Variants in SVEP1 observed in about 807,000 individuals in gnomAD.
SVEP1 encodes sushi, von Willebrand factor type A, EGF and pentraxin domain containing 1.
Under a neutral mutation model 367.3 loss-of-function variants are expected in SVEP1, and 164 were observed. The observed-to-expected ratio is 0.45, with a 90% CI of 0.39 to 0.51. The LOEUF is 0.51. SVEP1 is among the 20% of genes least tolerant of loss of function. The pLI is 0.00. For synonymous variants in SVEP1, 1,666 were observed against 1,611.6 expected (o/e 1.03, Z -0.81); for missense variants, 4,117 against 4,425.3 (o/e 0.93, Z 1.98).
At chr9:110,423,139 A>G (rs567993517) in intron 36 of SVEP1, among the ~76,000 whole-genome samples, 2 of 141,786 alleles carry the variant, frequency 1.4e-5, no homozygotes, top group African/African-American at 5.3e-5. Flanking sequence ...ATAATAATAA[A>G]AAAAAAATAA....
intron 38 of SVEP1, 109 bp downstream of exon 38, chr9:110,406,051 G>A: frequency 7.4e-7 from 1 of 1,355,062 alleles, no homozygotes; most frequent in Non-Finnish European, 9.7e-7. Context: ...TGTTTGGAGA[G>A]CAGTTCAGAG....
At chr9:110,493,216 A>T (rs1463782343) in intron 8 of SVEP1, among the ~76,000 whole-genome samples, 1 of 151,452 alleles carries the variant, frequency 6.6e-6, no homozygotes, top group South Asian at 2.1e-4. Context: ...GGGGTTGGGG[A>T]GGGGGTGGTG....
chr9:110,501,589 A>T (rs1274420235), intron 6 of SVEP1, among the ~76,000 whole-genome samples: 1 of 152,108 alleles, frequency 6.6e-6, no homozygotes, highest in East Asian at 1.9e-4. Flanking sequence ...TACAAGAGCT[A>T]AAGCTTAGAG....
chr9:110,525,127 ACGTATTCG>A (rs1829924803), intron 3 of SVEP1, among the ~76,000 whole-genome samples: 1 of 152,126 alleles, frequency 6.6e-6, no homozygotes, highest in Non-Finnish European at 1.5e-5. Flanking sequence ...ATGAAATAAA[ACGTATTCG>A]GATTAGAAAG....
intron 3 of SVEP1, among the ~76,000 whole-genome samples, chr9:110,538,069 T>C (rs1329265491): frequency 6.6e-6 from 1 of 151,994 alleles, no homozygotes; most frequent in Middle Eastern, 3.2e-3. Context: ...TTTTTGAGTA[T>C]TTCTAAGGAA....
chr9:110,528,758 T>G (rs992814582), intron 3 of SVEP1, among the ~76,000 whole-genome samples: 1 of 151,930 alleles, frequency 6.6e-6, no homozygotes, highest in Non-Finnish European at 1.5e-5. Flanking sequence ...TTCTGTAGGT[T>G]GTTTACTGTT....
At chr9:110,543,761 C>T (rs1339246729) in intron 3 of SVEP1, among the ~76,000 whole-genome samples, 2 of 152,116 alleles carry the variant, frequency 1.3e-5, no homozygotes, top group Non-Finnish European at 2.9e-5. Flanking sequence ...AGAAAATGAG[C>T]TCTTCTGCCT....
intron 3 of SVEP1, among the ~76,000 whole-genome samples, chr9:110,522,329 T>C (rs1414605969): frequency 6.6e-6 from 1 of 152,086 alleles, no homozygotes; most frequent in Non-Finnish European, 1.5e-5. Context: ...AAAATTACAA[T>C]TTAGAATGGC....
chr9:110,451,200 T>C (rs1345702939), intron 23 of SVEP1, 89 bp downstream of exon 23: 4 of 1,066,532 alleles, frequency 3.8e-6, no homozygotes, highest in East Asian at 5.2e-5. Context: ...AATCCAAAAA[T>C]TCACATTAAT....
chr9:110,468,885 A>G (rs1828976782), intron 17 of SVEP1, 55 bp downstream of exon 17: 3 of 1,486,546 alleles, frequency 2.0e-6, no homozygotes, highest in East Asian at 2.4e-5. Flanking sequence ...TCTTTCCCCC[A>G]AAAGGGAAAC....
chr9:110,476,664 C>T (rs1829100489), intron 13 of SVEP1, among the ~76,000 whole-genome samples: 1 of 152,194 alleles, frequency 6.6e-6, no homozygotes, highest in Admixed American at 6.5e-5. Flanking sequence ...AAGCCTTCCT[C>T]TATGCCCTCT....
intron 1 of SVEP1, among the ~76,000 whole-genome samples, chr9:110,553,780 C>T (rs1209479480): frequency 1.3e-5 from 2 of 152,090 alleles, no homozygotes; most frequent in African/African-American, 2.4e-5. Flanking sequence ...AAATGATACG[C>T]GCTTAATAAA....
intron 1 of SVEP1, among the ~76,000 whole-genome samples, chr9:110,567,848 G>A (rs1182275341): frequency 6.6e-6 from 1 of 152,150 alleles, no homozygotes; most frequent in Non-Finnish European, 1.5e-5. Flanking sequence ...ATCTCCGCCT[G>A]AGGGCTTTCT....
rs115630168 is a variant in SVEP1 at position 110,482,818 on chromosome 9, G to A, written c.2039-326C>T. Reference sequence around the variant, plus strand: ...GCTGAGATTACAGGTGTGAGTCACCGCGCCCAGCCTATAGTCACTTTATTA... The same window carrying A: ...GCTGAGATTACAGGTGTGAGTCACCACGCCCAGCCTATAGTCACTTTATTA... On this transcript the variant is annotated intron_variant, in intron 10 of 47. Transcript: ENST00000374469. 9.3e-3 allele frequency among the ~76,000 whole-genome samples: 1,419 copies of A among 152,260 alleles called. 28 individuals are homozygous for A. Among genetic ancestry groups the A allele is most frequent in the African/African-American group, 0.032 (1,333 of 41,550 alleles).
chr9:110,443,715 AC>A lies in SVEP1; in HGVS notation c.4468del (p.Val1490PhefsTer4). 2 of 1,600,414 alleles carry A rather than the reference AC, an allele frequency of 1.2e-6. No individual in the cohort carries two copies. The highest frequency in any genetic ancestry group is 1.7e-6 in the Non-Finnish European group (2 of 1,172,708). ...TLLLTDYNGW[V>X]LYVNGREKIT... ...CTTTTCCCTGCCATTCACATAAAGAACCCAGCTGTAGAGAGAAAGATTCCAG... is the reference window on the plus strand; with the variant it reads ...CTTTTCCCTGCCATTCACATAAAGAACCAGCTGTAGAGAGAAAGATTCCAG... On this transcript the variant is annotated frameshift_variant, in exon 27 of 48. Transcript: ENST00000374469. LOFTEE classifies it high-confidence loss of function.
intron 3 of SVEP1, among the ~76,000 whole-genome samples, chr9:110,520,535 C>T (rs576831425): frequency 7.9e-5 from 12 of 152,246 alleles, no homozygotes; most frequent in Middle Eastern, 3.4e-3. Context: ...GAGGTTATCA[C>T]GTTGTACTAA....
chr9:110,542,126 A>C lies in SVEP1; in HGVS notation c.964+3989T>G, dbSNP rs117119661. On this transcript the variant is annotated intron_variant, in intron 3 of 47. Coordinates refer to ENST00000374469, the MANE Select transcript of SVEP1 (RefSeq NM_153366.4). ...TCTTTCTGTGTTGCGAAACATTTTG[A>C]ACACAGTTCAGTGTCTGTTGTCTCT... Among the ~76,000 whole-genome samples, 4 of 152,166 alleles carry C rather than the reference A, an allele frequency of 2.6e-5. No homozygotes were observed. The East Asian group carries it at 7.7e-4, about 29-fold the overall frequency.
intron 1 of SVEP1, among the ~76,000 whole-genome samples, chr9:110,557,493 C>T (rs1830369784): frequency 6.6e-6 from 1 of 151,696 alleles, no homozygotes; most frequent in Admixed American, 6.6e-5. Flanking sequence ...GCCTCCCTCC[C>T]TCCCTCCCTC....
chr9:110,505,775 A>G (rs1025605607), intron 5 of SVEP1, among the ~76,000 whole-genome samples: 4 of 151,274 alleles, frequency 2.6e-5, no homozygotes, highest in African/African-American at 9.7e-5. Flanking sequence ...TGATCATTCC[A>G]GTATCCTGGA....
Sources: allele counts gnomAD v4.1 joint callset (sites outside exome capture counted in the v4.1 genomes callset), GRCh38; gene constraint gnomAD v4.1.1; transcripts MANE v1.5; gene names NCBI Gene and HGNC (gene_info 2026-07-23, HGNC 2026-07-21).